Variants in GRM1 observed in about 807,000 individuals in gnomAD.
GRM1 encodes glutamate metabotropic receptor 1, also known as metabotropic glutamate receptor 1.
GRM1 carries 33 observed loss-of-function variants against 90.9 expected under a neutral mutation model. That is an observed-to-expected ratio of 0.36 (90% confidence interval 0.28 to 0.49). GRM1 has a LOEUF of 0.49. Among genes scored for constraint, GRM1 ranks in the 20% least tolerant of loss-of-function variants. The probability of loss-of-function intolerance (pLI) is 0.99; values close to 1 mark genes in which losing one functional copy is unlikely to be tolerated. For missense variants in GRM1, 1,190 were observed against 1,534.3 expected (o/e 0.78, Z 3.75); for synonymous variants, 700 against 613.2 (o/e 1.14, Z -2.09).
chr6:146,312,822 G>A lies in GRM1; in HGVS notation c.1186+7976G>A, dbSNP rs541001848. On this transcript the variant is annotated intron_variant, in intron 3 of 7. Coordinates refer to ENST00000282753, the MANE Select transcript of GRM1 (RefSeq NM_001278064.2). ...TGAAAGTTGACTCACTCTTTGGTAT[G>A]AGCCAACGCTGCCAGCTTGCTTGGT... Among the ~76,000 whole-genome samples, 8 of 152,306 alleles carry A rather than the reference G, an allele frequency of 5.3e-5. No homozygotes were observed. The South Asian group carries it at 1.2e-3, about 24-fold the overall frequency.
chr6:146,030,117 C>T lies in GRM1; in HGVS notation c.600C>T (p.Tyr200=), dbSNP rs781453439. Residue 200 remains tyrosine, a synonymous_variant, in exon 1 of 8, where the codon TAC becomes TAT. Transcript: ENST00000282753. ...IDLSDKTLYK[Y]FLRVVPSDTL... is the part of the protein sequence containing the mutation. Reference sequence around the variant, plus strand: ...TGAGTGACAAAACTTTGTACAAATACTTCCTGAGGGTTGTCCCTTCTGACA... The same window carrying T: ...TGAGTGACAAAACTTTGTACAAATATTTCCTGAGGGTTGTCCCTTCTGACA... 1.2e-6 allele frequency: 2 copies of T among 1,614,094 alleles called. No homozygotes were observed. Among genetic ancestry groups the T allele is most frequent in the Admixed American group, 1.7e-5 (1 of 60,028 alleles).
intron 1 of GRM1, among the ~76,000 whole-genome samples, chr6:146,133,685 C>T (rs1023291004): frequency 6.6e-6 from 1 of 152,156 alleles, no homozygotes; most frequent in African/African-American, 2.4e-5. Flanking sequence ...ATGATCAAAG[C>T]ACCTGGGACC....
intron 1 of GRM1, among the ~76,000 whole-genome samples, chr6:146,069,481 GGTTTTGATAT>G (rs1775957691): frequency 6.6e-6 from 1 of 152,088 alleles, no homozygotes; most frequent in South Asian, 2.1e-4. Context: ...ATACAGATAA[GGTTTTGATAT>G]GTTTGAAATG....
intron 2 of GRM1, among the ~76,000 whole-genome samples, chr6:146,269,202 A>G (rs1451653072): frequency 6.6e-6 from 1 of 152,230 alleles, no homozygotes; most frequent in Non-Finnish European, 1.5e-5. Context: ...TTATAATTTT[A>G]TCAATTGACC....
At chr6:146,067,983 G>C (rs1197418739) in intron 1 of GRM1, among the ~76,000 whole-genome samples, 1 of 152,100 alleles carries the variant, frequency 6.6e-6, no homozygotes, top group Non-Finnish European at 1.5e-5. Flanking sequence ...AGGGTTTTAG[G>C]GGAAAAGTTG....
rs1282943197 is a variant in GRM1 at position 146,149,894 on chromosome 6, T to C, written c.701-9454T>C. The stretch of plus-strand genomic sequence containing the variant: ...TCTTTTGTTCTCTTTGATTGCCCAG[T>C]GTGAGGCAGCTCCTTCACTGACCTT... On this transcript the variant is annotated intron_variant, in intron 1 of 7. Transcript: ENST00000282753. Among the ~76,000 whole-genome samples, 9 of 152,276 alleles carry C rather than the reference T, an allele frequency of 5.9e-5. No homozygotes were observed. The East Asian group carries it at 1.7e-3, about 29-fold the overall frequency.
intron 2 of GRM1, among the ~76,000 whole-genome samples, chr6:146,273,354 GAGA>G (rs1782239171): frequency 6.6e-6 from 1 of 152,126 alleles, no homozygotes; most frequent in South Asian, 2.1e-4. Flanking sequence ...TGCCCCAGCG[GAGA>G]AGGAGAAAAA....
intron 1 of GRM1, among the ~76,000 whole-genome samples, chr6:146,137,132 C>T (rs561280903): frequency 3.3e-5 from 5 of 152,186 alleles, no homozygotes; most frequent in African/African-American, 7.2e-5. Context: ...AGATTACAGG[C>T]GTGAGCTACC....
intron 2 of GRM1, among the ~76,000 whole-genome samples, chr6:146,210,751 T>C (rs997403247): frequency 3.9e-5 from 6 of 152,194 alleles, no homozygotes; most frequent in African/African-American, 1.4e-4. Context: ...TTACAAATTC[T>C]TTATTCTGAA....
At chr6:146,267,480 C>A (rs1425641313) in intron 2 of GRM1, among the ~76,000 whole-genome samples, 1 of 152,070 alleles carries the variant, frequency 6.6e-6, no homozygotes, top group Non-Finnish European at 1.5e-5. Flanking sequence ...TATTAACATA[C>A]ACGATCACAA....
chr6:146,226,709 G>A (rs1478890670), intron 2 of GRM1, among the ~76,000 whole-genome samples: 1 of 152,068 alleles, frequency 6.6e-6, no homozygotes, highest in Non-Finnish European at 1.5e-5. Flanking sequence ...TGGATGGTTT[G>A]ACCAATTACT....
chr6:146,424,760 G>A (rs1030496688), intron 7 of GRM1, among the ~76,000 whole-genome samples: 1 of 152,188 alleles, frequency 6.6e-6, no homozygotes, highest in Middle Eastern at 3.2e-3. Flanking sequence ...GAGTTAATTA[G>A]AGGCTCAAGA....
chr6:146,359,601 CT>C (rs1775382173), intron 5 of GRM1, among the ~76,000 whole-genome samples: 1 of 152,186 alleles, frequency 6.6e-6, no homozygotes, highest in Non-Finnish European at 1.5e-5. Context: ...TTCACAATTC[CT>C]TACTGTTACT....
intron 1 of GRM1, among the ~76,000 whole-genome samples, chr6:146,110,572 A>C (rs369575997): frequency 3.3e-5 from 5 of 152,282 alleles, no homozygotes; most frequent in African/African-American, 9.6e-5. Flanking sequence ...GTGGCTTCCC[A>C]TCTGTTTGTG....
In GRM1 at chr6:146,398,956, C is replaced by T; in HGVS notation, c.1917C>T (p.Phe639=). 1 of 1,614,128 alleles carries T rather than the reference C, an allele frequency of 6.2e-7. No homozygotes were observed. The highest frequency in any genetic ancestry group is 8.5e-7 in the Non-Finnish European group (1 of 1,180,006). Residue 639 remains phenylalanine, a synonymous_variant, in exon 7 of 8, where the codon TTC becomes TTT. Transcript: ENST00000282753. ...GCTACATCATCCTAGCTGGCATCTT[C>T]CTTGGTTATGTGTGCCCATTCACTC... ...ELCYIILAGI[F]LGYVCPFTLI... is the part of the protein sequence containing the mutation.
intron 1 of GRM1, among the ~76,000 whole-genome samples, chr6:146,049,590 AC>A (rs565997431): frequency 3.6e-4 from 53 of 148,852 alleles, no homozygotes; most frequent in African/African-American, 1.3e-3. Flanking sequence ...TAGACAAGTT[AC>A]TGTGGAACTT....
intron 1 of GRM1, 119 bp from the exon 2 acceptor site, chr6:146,159,229 T>C (rs1292976498): frequency 6.8e-6 from 8 of 1,168,072 alleles, no homozygotes; most frequent in Non-Finnish European, 1.0e-5. Context: ...CAGCCATATT[T>C]ACAAATTATT....
intron 2 of GRM1, among the ~76,000 whole-genome samples, chr6:146,241,338 G>C (rs376127085): frequency 1.3e-5 from 2 of 152,226 alleles, no homozygotes; most frequent in South Asian, 2.1e-4. Flanking sequence ...TGGAGACTGA[G>C]AGATGAATAA....
At chr6:146,335,776 A>G (rs1784752668) in intron 3 of GRM1, among the ~76,000 whole-genome samples, 1 of 152,148 alleles carries the variant, frequency 6.6e-6, no homozygotes, top group African/African-American at 2.4e-5. Context: ...ATACCTCATG[A>G]CATGGTTTGG....
Sources: gnomAD v4.1 joint callset for allele counts (sites outside exome capture counted in the v4.1 genomes callset) on GRCh38, gnomAD v4.1.1 for gene constraint, MANE v1.5 for transcripts, NCBI Gene and HGNC (gene_info 2026-07-23, HGNC 2026-07-21) for gene names.